CALCRL: variants seen among roughly 807,000 people sequenced by gnomAD.
CALCRL encodes the protein calcitonin gene-related peptide type 1 receptor.
A neutral mutation model predicts 60.4 loss-of-function variants in CALCRL; 27 were observed. The ratio of observed to expected loss-of-function variants is 0.45; its 90% confidence interval spans 0.33 to 0.62. The LOEUF is 0.62. CALCRL is among the 20% of genes least tolerant of loss of function. The pLI is 0.03. For missense variants in CALCRL, 424 were observed against 540.7 expected, an observed-to-expected ratio of 0.78 and a Z score of 2.14; for synonymous variants, 190 against 182.6, an observed-to-expected ratio of 1.04 and a Z score of -0.33.
At chr2:187,378,021 AAG>A (rs1337706196) in intron 8 of CALCRL, among the ~76,000 whole-genome samples, 3 of 151,740 alleles carry the variant, frequency 2.0e-5, no homozygotes, top group Admixed American at 2.0e-4. Context: ...GAAGAGGAAT[AAG>A]AGAAGAGGAG....
intron 1 of CALCRL, among the ~76,000 whole-genome samples, chr2:187,426,467 T>C (rs1041645367): frequency 6.6e-6 from 1 of 152,010 alleles, no homozygotes; most frequent in South Asian, 2.1e-4. Flanking sequence ...ATGGCAATAA[T>C]TATCATGTTG....
chr2:187,369,375 C>T (rs1246554689), intron 8 of CALCRL, among the ~76,000 whole-genome samples: 1 of 152,058 alleles, frequency 6.6e-6, no homozygotes, highest in Non-Finnish European at 1.5e-5. Context: ...TAATAGCAGC[C>T]ACGATTTTTG....
At chr2:187,416,527 G>A (rs895321829) in intron 1 of CALCRL, among the ~76,000 whole-genome samples, 4 of 152,026 alleles carry the variant, frequency 2.6e-5, no homozygotes, top group Non-Finnish European at 5.9e-5. Flanking sequence ...AAAATATTGG[G>A]AAATGTAAAG....
At chr2:187,410,571 G>C (rs1386984050) in intron 1 of CALCRL, among the ~76,000 whole-genome samples, 1 of 152,214 alleles carries the variant, frequency 6.6e-6, no homozygotes, top group Non-Finnish European at 1.5e-5. Flanking sequence ...AGAAAGAACA[G>C]AAGGTTTGAA....
intron 8 of CALCRL, among the ~76,000 whole-genome samples, chr2:187,376,000 C>A (rs542593798): frequency 6.6e-6 from 1 of 152,214 alleles, no homozygotes; most frequent in Admixed American, 6.5e-5. Context: ...TTGCCAAATA[C>A]TTTAACAGAT....
intron 6 of CALCRL, 47 bp from the exon 7 acceptor site, chr2:187,380,626 GA>G: frequency 1.3e-6 from 2 of 1,586,728 alleles, no homozygotes; most frequent in Non-Finnish European, 1.7e-6. Context: ...ATTAACCTAG[GA>G]TTTATTAAAT....
At chr2:187,347,295 T>C (rs1686323392) in intron 14 of CALCRL, among the ~76,000 whole-genome samples, 1 of 151,816 alleles carries the variant, frequency 6.6e-6, no homozygotes, top group Non-Finnish European at 1.5e-5. Flanking sequence ...GCACACTGGC[T>C]TGGAGCAGCC....
At chr2:187,353,811 A>G (rs1686647273) in intron 12 of CALCRL, among the ~76,000 whole-genome samples, 1 of 151,998 alleles carries the variant, frequency 6.6e-6, no homozygotes, top group Admixed American at 6.6e-5. Context: ...ATCTTAATAC[A>G]TTAAATCATA....
chr2:187,378,946 T>C lies in CALCRL; in HGVS notation c.494A>G (p.Tyr165Cys). The C allele has an allele frequency of 6.3e-7, 1 of 1,588,284 alleles. No individual in the cohort carries two copies. The highest frequency in any genetic ancestry group is 2.2e-5 in the East Asian group (1 of 44,610). ...ATATTTTAAATTTACTTACTTGAAA[T>C]AAAAGAATATGCCAAGCGAGATAAG... is the stretch of plus-strand genomic sequence containing the variant. The part of the protein sequence containing the change: ...SLLISLGIFF[Y>C]FKSLSCQRIT... Residue 165 changes from tyrosine to cysteine, a missense_variant, in exon 8 of 15, where the codon TAT becomes TGT. This residue lies in a region of CALCRL where 43 missense variants were observed against 46.6 expected (regional missense o/e 0.92). Coordinates refer to ENST00000392370, the MANE Select transcript of CALCRL (RefSeq NM_005795.6).
At chr2:187,424,512 A>G (rs1690034005) in intron 1 of CALCRL, among the ~76,000 whole-genome samples, 1 of 152,108 alleles carries the variant, frequency 6.6e-6, no homozygotes, top group African/African-American at 2.4e-5. Context: ...GTTTTCATTA[A>G]CTAGTAGAAA....
intron 1 of CALCRL, among the ~76,000 whole-genome samples, chr2:187,411,227 ACT>A (rs766739115): frequency 1.1e-4 from 17 of 151,842 alleles, no homozygotes; most frequent in Non-Finnish European, 2.4e-4. Context: ...ATTAATATAA[ACT>A]CTATCAAAAG....
intron 1 of CALCRL, among the ~76,000 whole-genome samples, chr2:187,389,779 C>T (rs1022569844): frequency 6.6e-6 from 1 of 151,914 alleles, no homozygotes; most frequent in Non-Finnish European, 1.5e-5. Context: ...GGCAAAAAGC[C>T]TTTTGAATTA....
intron 1 of CALCRL, among the ~76,000 whole-genome samples, chr2:187,421,955 G>A (rs1358210870): frequency 6.6e-6 from 1 of 152,100 alleles, no homozygotes; most frequent in African/African-American, 2.4e-5. Flanking sequence ...GATGCTGGTG[G>A]GAGTGTAATA....
At chr2:187,375,802 A>G (rs1553507762) in intron 8 of CALCRL, among the ~76,000 whole-genome samples, 1 of 152,186 alleles carries the variant, frequency 6.6e-6, no homozygotes, top group Non-Finnish European at 1.5e-5. Context: ...TATAGATGAA[A>G]TAAACATTCT....
intron 8 of CALCRL, among the ~76,000 whole-genome samples, chr2:187,377,222 CT>C (rs928203413): frequency 5.9e-5 from 9 of 151,978 alleles, no homozygotes; most frequent in African/African-American, 2.2e-4. Flanking sequence ...TTCTGGCTGC[CT>C]TGGTTAGAAT....
chr2:187,376,657 A>G (rs1465395075), intron 8 of CALCRL, among the ~76,000 whole-genome samples: 2 of 152,098 alleles, frequency 1.3e-5, no homozygotes, highest in South Asian at 2.1e-4. Context: ...ATAATTTTGC[A>G]TTTGACTTTA....
intron 1 of CALCRL, among the ~76,000 whole-genome samples, chr2:187,392,603 G>GTTTATTT: frequency 6.6e-6 from 1 of 152,084 alleles, no homozygotes; most frequent in Middle Eastern, 3.2e-3. Flanking sequence ...CAAGAGCCTG[G>GTTTATTT]TTAACTTATT....
chr2:187,446,465 T>G (rs1013791653), intron 1 of CALCRL, among the ~76,000 whole-genome samples: 1 of 151,726 alleles, frequency 6.6e-6, no homozygotes, highest in Middle Eastern at 3.4e-3. Flanking sequence ...TACAAGAAAA[T>G]TATGGGTTTG....
chr2:187,397,757 C>T (rs1418801841), intron 1 of CALCRL, among the ~76,000 whole-genome samples: 1 of 151,604 alleles, frequency 6.6e-6, no homozygotes, highest in Non-Finnish European at 1.5e-5. Flanking sequence ...TTTGTGTGTA[C>T]ATTGTTTAGC....
Sources: gnomAD v4.1 joint callset for allele counts (sites outside exome capture counted in the v4.1 genomes callset) on GRCh38, gnomAD v4.1.1 for gene constraint, gnomAD v4.1.1 regional missense constraint, MANE v1.5 for transcripts, NCBI Gene and HGNC (gene_info 2026-07-23, HGNC 2026-07-21) for gene names.